The following MECOM variants were observed in gnomAD, a reference collection of about 807,000 sequenced individuals.
The protein encoded by MECOM is histone-lysine N-methyltransferase MECOM.
In MECOM, 13 loss-of-function variants were observed where a neutral mutation model predicts 116.3. That is an observed-to-expected ratio of 0.11 (90% confidence interval 0.07 to 0.18). MECOM has a LOEUF of 0.18. Among genes scored for constraint, MECOM ranks in the 10% least tolerant of loss-of-function variants. The pLI is 1.00. For synonymous variants in MECOM, 528 were observed against 535.2 expected (o/e 0.99, Z 0.19); for missense variants, 1,299 against 1,509.0 (o/e 0.86, Z 2.31).
chr3:169,140,055 GA>G (rs10646514), intron 3 of MECOM, among the ~76,000 whole-genome samples: 2,766 of 150,058 alleles, frequency 0.018, 102 homozygotes, highest in African/African-American at 0.065. Flanking sequence ...TCTGAATAAT[GA>G]AAAAAAAACA....
At chr3:169,542,189 A>G (rs566780526) in intron 1 of MECOM, among the ~76,000 whole-genome samples, 1 of 152,122 alleles carries the variant, frequency 6.6e-6, no homozygotes. Context: ...TATTAAATAT[A>G]CTCTTTTTTA....
rs972531490 is a variant in MECOM at position 169,630,920 on chromosome 3, A to G, written c.37+32416T>C. ...ATTACAGGCGTGAGCCACTCTGCCC[A>G]GCCCCAAATTCATTCTCATGAGACT... On this transcript the variant is annotated intron_variant, in intron 1 of 16. Transcript: ENST00000651503. Among the ~76,000 whole-genome samples the G allele has an allele frequency of 3.3e-5, 5 of 152,210 alleles. No individual in the cohort carries two copies. The East Asian group carries it at 9.6e-4, about 29-fold the overall frequency.
intron 2 of MECOM, among the ~76,000 whole-genome samples, chr3:169,267,152 C>G (rs946275093): frequency 6.6e-6 from 1 of 152,196 alleles, no homozygotes; most frequent in African/African-American, 2.4e-5. Context: ...TCACACCTTA[C>G]GATACTACAG....
intron 12 of MECOM, among the ~76,000 whole-genome samples, chr3:169,100,320 A>G (rs2148941966): frequency 6.6e-6 from 1 of 151,804 alleles, no homozygotes; most frequent in South Asian, 2.1e-4. Flanking sequence ...GCTGATCTCA[A>G]ACTCCTGACC....
intron 2 of MECOM, among the ~76,000 whole-genome samples, chr3:169,190,939 T>C (rs1013827326): frequency 3.9e-5 from 6 of 151,966 alleles, no homozygotes; most frequent in Admixed American, 1.3e-4. Context: ...GGTGGCCACA[T>C]CTACTCTTAC....
intron 7 of MECOM, among the ~76,000 whole-genome samples, chr3:169,117,224 A>AT (rs1372395769): frequency 2.0e-5 from 3 of 152,070 alleles, no homozygotes; most frequent in African/African-American, 7.2e-5. Context: ...CTTCACCTTT[A>AT]TTGCCTCTCC....
At chr3:169,311,767 T>C (rs1026451231) in intron 2 of MECOM, among the ~76,000 whole-genome samples, 1 of 152,132 alleles carries the variant, frequency 6.6e-6, no homozygotes, top group African/African-American at 2.4e-5. Context: ...GAGAGCAATA[T>C]CCTCTTAGAA....
At chr3:169,339,732 A>G (rs919362377) in intron 2 of MECOM, among the ~76,000 whole-genome samples, 1 of 152,226 alleles carries the variant, frequency 6.6e-6, no homozygotes, top group Non-Finnish European at 1.5e-5. Flanking sequence ...ATGGGGGGAA[A>G]CAAAACAAGT....
At chr3:169,285,490 C>T (rs1476884621) in intron 2 of MECOM, among the ~76,000 whole-genome samples, 2 of 152,186 alleles carry the variant, frequency 1.3e-5, no homozygotes, top group Non-Finnish European at 2.9e-5. Context: ...AACAAATGGT[C>T]AGCTGAATTT....
chr3:169,410,226 T>C (rs914175031), intron 1 of MECOM, among the ~76,000 whole-genome samples: 16 of 152,254 alleles, frequency 1.1e-4, no homozygotes, highest in African/African-American at 3.6e-4. Context: ...AAATTGTACC[T>C]TAACTTGAAT....
chr3:169,116,382 G>A lies in MECOM; in HGVS notation c.1490C>T (p.Ser497Phe), dbSNP rs1729161581. 1.2e-6 allele frequency: 2 copies of A among 1,614,088 alleles called. No homozygotes were observed. The highest frequency in any genetic ancestry group is 1.3e-5 in the African/African-American group (1 of 74,928). ...CAAAGGAGGCCTGTGGTACAAGCCG[G>A]AAGGAAACAGACCAGGGAAGCTAAA... Reference protein sequence around the residue: ...FSFSFPGLFPSGLYHRPPLIP... With the variant: ...FSFSFPGLFPFGLYHRPPLIP... Residue 497 changes from serine (S) to phenylalanine (F), a missense_variant, in exon 8 of 17, where the codon TCC becomes TTC. Coordinates refer to ENST00000651503, the MANE Select transcript of MECOM (RefSeq NM_004991.4).
intron 8 of MECOM, 54 bp from the exon 9 acceptor site, chr3:169,112,928 T>C: frequency 1.6e-6 from 2 of 1,239,624 alleles, no homozygotes; most frequent in Non-Finnish European, 2.4e-6. Flanking sequence ...TATCAATCAC[T>C]ACATAATCAC....
rs544457605 is a variant in MECOM, at chr3:169,505,308, AT to A, written c.38-123785del. On this transcript the variant is annotated intron_variant, in intron 1 of 16. Transcript: ENST00000651503. ...ATCCTTTCTTAATCTTAGAGCAGGA[AT>A]TTTTTTTTTTTTGCCAACATGTGGT... Among the ~76,000 whole-genome samples the A allele has an allele frequency of 5.4e-3, 807 of 148,204 alleles. 5 individuals are homozygous for A. The highest frequency in any genetic ancestry group is 7.8e-3 in the Non-Finnish European group (522 of 66,862).
intron 1 of MECOM, among the ~76,000 whole-genome samples, chr3:169,525,987 C>T (rs1757923884): frequency 6.6e-6 from 1 of 151,720 alleles, no homozygotes; most frequent in South Asian, 2.1e-4. Flanking sequence ...GAGATCATGC[C>T]ACTGCACTCC....
chr3:169,112,955 TAACA>T, intron 8 of MECOM, 81 bp from the exon 9 acceptor site: 1 of 1,025,686 alleles, frequency 9.7e-7, no homozygotes, highest in East Asian at 2.4e-5. Flanking sequence ...TTAAAGGAAC[TAACA>T]ATAAAGTCAA....
At chr3:169,629,300 A>G (rs1771789574) in intron 1 of MECOM, among the ~76,000 whole-genome samples, 1 of 152,026 alleles carries the variant, frequency 6.6e-6, no homozygotes, top group South Asian at 2.1e-4. Flanking sequence ...CATGCAGACA[A>G]TGTGGTTTTG....
In MECOM at chr3:169,268,756, C is replaced by T. The variant is rs567079511; in HGVS notation, c.375+112431G>A. ...CAAACAGATGCCAGTAGTATGTAGACGTCTTCCCTATAGCCAAGCAGCTGT... is the reference window on the plus strand; with the variant it reads ...CAAACAGATGCCAGTAGTATGTAGATGTCTTCCCTATAGCCAAGCAGCTGT... On this transcript the variant is annotated intron_variant, in intron 2 of 16. Coordinates refer to ENST00000651503, the MANE Select transcript of MECOM (RefSeq NM_004991.4). 5.3e-5 allele frequency among the ~76,000 whole-genome samples: 8 copies of T among 152,310 alleles called. No individual in the cohort carries two copies. In the East Asian group the frequency reaches 1.3e-3, roughly 26 times the overall value.
At chr3:169,296,227 A>G (rs1290451186) in intron 2 of MECOM, among the ~76,000 whole-genome samples, 1 of 152,044 alleles carries the variant, frequency 6.6e-6, no homozygotes, top group Non-Finnish European at 1.5e-5. Context: ...CCTCTTACTC[A>G]CAACAATGAT....
At chr3:169,218,625 A>T (rs1304878564) in intron 2 of MECOM, among the ~76,000 whole-genome samples, 1 of 152,152 alleles carries the variant, frequency 6.6e-6, no homozygotes, top group Non-Finnish European at 1.5e-5. Context: ...TGACTTCAGA[A>T]CTTGTGGAAT....
Sources: gnomAD v4.1 joint callset for allele counts (sites outside exome capture counted in the v4.1 genomes callset) on GRCh38, gnomAD v4.1.1 for gene constraint, MANE v1.5 for transcripts, NCBI Gene and HGNC (gene_info 2026-07-23, HGNC 2026-07-21) for gene names.